PTPRD: variants seen among roughly 807,000 people sequenced by gnomAD.
PTPRD encodes the protein protein tyrosine phosphatase receptor type D.
PTPRD carries 34 observed loss-of-function variants against 214.5 expected under a neutral mutation model. The ratio of observed to expected loss-of-function variants is 0.16; its 90% CI spans 0.12 to 0.21. The LOEUF is 0.21. PTPRD is among the 10% of genes least tolerant of loss of function. The pLI is 1.00. For missense variants in PTPRD, 2,545 were observed against 2,398.7 expected (o/e 1.06, Z -1.27); for synonymous variants, 1,128 against 845.7 (o/e 1.33, Z -5.79).
chr9:8,902,148 T>C (rs768144775), intron 11 of PTPRD, among the ~76,000 whole-genome samples: 2 of 150,506 alleles, frequency 1.3e-5, no homozygotes, highest in African/African-American at 2.5e-5. Context: ...TAATCTCATT[T>C]AGGCTTCCAC....
chr9:9,176,926 A>T (rs996643850), intron 10 of PTPRD, among the ~76,000 whole-genome samples: 1 of 152,116 alleles, frequency 6.6e-6, no homozygotes, highest in African/African-American at 2.4e-5. Flanking sequence ...TCAGTTCTAG[A>T]TGGTTAGATG....
chr9:10,262,955 G>C (rs769398592), intron 3 of PTPRD, among the ~76,000 whole-genome samples: 14 of 152,066 alleles, frequency 9.2e-5, no homozygotes, highest in African/African-American at 3.4e-4. Context: ...TACTGTTCTC[G>C]TGGTAGTGAA....
intron 3 of PTPRD, among the ~76,000 whole-genome samples, chr9:10,291,121 G>T (rs1187242982): frequency 6.6e-6 from 1 of 151,542 alleles, no homozygotes; most frequent in East Asian, 1.9e-4. Flanking sequence ...ACTTCCTAAG[G>T]GGCTTCTGAG....
At chr9:10,166,271 C>G (rs1229182799) in intron 3 of PTPRD, among the ~76,000 whole-genome samples, 1 of 147,848 alleles carries the variant, frequency 6.8e-6, no homozygotes, top group East Asian at 2.0e-4. Context: ...AACACTCACA[C>G]TGTGAGAAAA....
chr9:10,517,835 C>A (rs1414592517), intron 2 of PTPRD, among the ~76,000 whole-genome samples: 2 of 151,890 alleles, frequency 1.3e-5, no homozygotes, highest in Admixed American at 6.6e-5. Flanking sequence ...TAGGTGTTTA[C>A]CTTTTGAATT....
chr9:9,099,790 C>T (rs781298960), intron 10 of PTPRD, among the ~76,000 whole-genome samples: 3 of 152,120 alleles, frequency 2.0e-5, no homozygotes, highest in Non-Finnish European at 2.9e-5. Flanking sequence ...ATTATCACCT[C>T]ATTGAAAGGA....
At chr9:9,901,337 C>T (rs2076349888) in intron 5 of PTPRD, among the ~76,000 whole-genome samples, 2 of 152,094 alleles carry the variant, frequency 1.3e-5, no homozygotes, top group Admixed American at 6.6e-5. Context: ...GTTCAACCTC[C>T]TGAAATAGTG....
chr9:9,109,219 G>C (rs958156047), intron 10 of PTPRD, among the ~76,000 whole-genome samples: 1 of 152,252 alleles, frequency 6.6e-6, no homozygotes, highest in Admixed American at 6.5e-5. Flanking sequence ...ACCTTGCTAA[G>C]CTTGTTATAC....
chr9:8,651,912 A>G (rs1306880722), intron 12 of PTPRD, among the ~76,000 whole-genome samples: 1 of 152,200 alleles, frequency 6.6e-6, no homozygotes, highest in Non-Finnish European at 1.5e-5. Flanking sequence ...CAGTTGGATT[A>G]CTTTTCAAAT....
At chr9:10,570,420 C>A (rs1253210050) in intron 2 of PTPRD, among the ~76,000 whole-genome samples, 4 of 152,026 alleles carry the variant, frequency 2.6e-5, no homozygotes, top group African/African-American at 9.7e-5. Context: ...TCTCTCAATT[C>A]TAAAATAAGG....
chr9:8,828,473 G>A (rs910927126), intron 11 of PTPRD, among the ~76,000 whole-genome samples: 14 of 152,188 alleles, frequency 9.2e-5, no homozygotes, highest in Admixed American at 5.2e-4. Context: ...CTGACACCTT[G>A]ATCTTGGACT....
In PTPRD at chr9:8,732,895, G is replaced by C. The variant is rs10123542; in HGVS notation, c.64+885C>G. On this transcript the variant is annotated intron_variant, in intron 12 of 45. Transcript: ENST00000381196. ...TGAAATAGTGGAGAGAAATGTTAAT[G>C]ACTGCAGATGTCACACATTTTACTC... 3.2e-3 allele frequency among the ~76,000 whole-genome samples: 488 copies of C among 152,252 alleles called. 7 individuals are homozygous for C. Among genetic ancestry groups the C allele is most frequent in the African/African-American group, 0.011 (471 of 41,550 alleles).
intron 9 of PTPRD, among the ~76,000 whole-genome samples, chr9:9,282,678 C>A (rs1595113542): frequency 6.6e-6 from 1 of 151,376 alleles, no homozygotes; most frequent in East Asian, 2.0e-4. Context: ...TAACTTACTA[C>A]TTAGCAGTTC....
intron 11 of PTPRD, among the ~76,000 whole-genome samples, chr9:8,993,857 TA>T (rs1459183082): frequency 1.3e-5 from 2 of 152,088 alleles, no homozygotes; most frequent in African/African-American, 2.4e-5. Flanking sequence ...AGCTCATTTA[TA>T]AAACCTAGCA....
intron 8 of PTPRD, among the ~76,000 whole-genome samples, chr9:9,417,412 A>G (rs1260916766): frequency 6.6e-6 from 1 of 152,132 alleles, no homozygotes; most frequent in African/African-American, 2.4e-5. Context: ...TTTGTGTTCT[A>G]TCACAAGCAT....
chr9:8,403,596 T>C (rs1201395418), intron 36 of PTPRD, among the ~76,000 whole-genome samples: 1 of 152,164 alleles, frequency 6.6e-6, no homozygotes, highest in Non-Finnish European at 1.5e-5. Flanking sequence ...GGATTTATCA[T>C]TGGAAAAATG....
At chr9:9,157,612 G>A (rs1278160759) in intron 10 of PTPRD, among the ~76,000 whole-genome samples, 1 of 152,142 alleles carries the variant, frequency 6.6e-6, no homozygotes, top group Non-Finnish European at 1.5e-5. Flanking sequence ...GAAGGAGATT[G>A]AATCAATATT....
intron 8 of PTPRD, among the ~76,000 whole-genome samples, chr9:9,565,726 A>AT (rs2084312511): frequency 6.6e-6 from 1 of 151,840 alleles, no homozygotes; most frequent in Admixed American, 6.6e-5. Context: ...ATTATTATTC[A>AT]TTTTTTGTGC....
rs1047571697 is a variant in PTPRD, at chr9:8,643,016, G to A, written c.65-6172C>T. On this transcript the variant is annotated intron_variant, in intron 12 of 45. Transcript: ENST00000381196. ...ACATGAACCAGGGCCTGTGGGGACA[G>A]TGAATCTGTCACATGAAATTTGAAC... Among the ~76,000 whole-genome samples the A allele has an allele frequency of 2.6e-5, 4 of 152,184 alleles. No homozygotes were observed. The East Asian group carries it at 7.7e-4, about 29-fold the overall frequency.
Sources: allele counts gnomAD v4.1 joint callset (sites outside exome capture counted in the v4.1 genomes callset), GRCh38; gene constraint gnomAD v4.1.1; transcripts MANE v1.5; gene names NCBI Gene and HGNC (gene_info 2026-07-23, HGNC 2026-07-21).